Variants in CFH observed in about 807,000 individuals in gnomAD.
The protein encoded by CFH is H factor 1 (complement).
In CFH, 53 loss-of-function variants were observed where a neutral mutation model predicts 147.3. That is an observed-to-expected ratio of 0.36 (90% CI 0.29 to 0.45). The LOEUF is 0.45. CFH is among the 20% of genes least tolerant of loss of function. CFH has a pLI of 1.00. For missense variants in CFH, 1,380 were observed against 1,498.0 expected (o/e 0.92, Z 1.30); for synonymous variants, 536 against 489.4 (o/e 1.10, Z -1.26).
chr1:196,671,603 C>T (rs914013204), intron 1 of CFH, among the ~76,000 whole-genome samples: 5 of 150,010 alleles, frequency 3.3e-5, no homozygotes, highest in Non-Finnish European at 7.4e-5. Flanking sequence ...CACACACACA[C>T]ACACACACAC....
chr1:196,727,910 G>A (rs965888669), intron 14 of CFH, among the ~76,000 whole-genome samples: 3 of 152,160 alleles, frequency 2.0e-5, no homozygotes, highest in East Asian at 1.9e-4. Context: ...CACTTACAGT[G>A]TGACTTGAGA....
At chr1:196,695,230 G>T (rs1385821556) in intron 9 of CFH, among the ~76,000 whole-genome samples, 1 of 152,092 alleles carries the variant, frequency 6.6e-6, no homozygotes, top group Admixed American at 6.6e-5. Context: ...CATATGGCTA[G>T]CCAATTTTCC....
In CFH at chr1:196,691,398, C is replaced by T. The variant is rs1478625861; in HGVS notation, c.1336+1159C>T. ...TATTTATTCCAACATACATTTATAT[C>T]AACAGTTACTTCTTTTTTTACATGT... On this transcript the variant is annotated intron_variant, in intron 9 of 21. Transcript: ENST00000367429. Among the ~76,000 whole-genome samples, 5 of 152,002 alleles carry T rather than the reference C, an allele frequency of 3.3e-5. No individual in the cohort carries two copies. In the East Asian group the frequency reaches 9.7e-4, roughly 29 times the overall value.
chr1:196,710,987 T>C (rs1359448707), intron 9 of CFH, among the ~76,000 whole-genome samples: 1 of 152,092 alleles, frequency 6.6e-6, no homozygotes, highest in African/African-American at 2.4e-5. Context: ...CATGGCATTA[T>C]TCAGAATATT....
At chr1:196,730,275 C>T (rs566743746) in intron 15 of CFH, among the ~76,000 whole-genome samples, 84 of 151,888 alleles carry the variant, frequency 5.5e-4, no homozygotes, top group African/African-American at 1.9e-3. Context: ...AGTTTTGCTA[C>T]GTTTTGTTTC....
rs568901317 is a variant in CFH, at chr1:196,746,344, G to T, written c.3493+345G>T. On this transcript the variant is annotated intron_variant, in intron 21 of 21. Coordinates refer to ENST00000367429, the MANE Select transcript of CFH (RefSeq NM_000186.4). ...CGGGCACCTGTAGTCCCAGCTAGTCGGGAGTCTGAGGCAGGAAAATGGCGG... is the reference window on the plus strand; with the variant it reads ...CGGGCACCTGTAGTCCCAGCTAGTCTGGAGTCTGAGGCAGGAAAATGGCGG... 2.4e-4 allele frequency among the ~76,000 whole-genome samples: 37 copies of T among 152,252 alleles called. 1 individual carries two copies. The South Asian group carries it at 7.3e-3, about 30-fold the overall frequency.
chr1:196,670,459 G>A (rs1045602263), intron 1 of CFH, among the ~76,000 whole-genome samples: 1 of 152,084 alleles, frequency 6.6e-6, no homozygotes, highest in South Asian at 2.1e-4. Context: ...TTGGATCATG[G>A]GGCAGTTTCT....
At chr1:196,729,303 C>A (rs1045468865) in intron 15 of CFH, among the ~76,000 whole-genome samples, 1 of 151,944 alleles carries the variant, frequency 6.6e-6, no homozygotes, top group Non-Finnish European at 1.5e-5. Context: ...ACAGTTTTTT[C>A]TTGAAGTTTT....
At chr1:196,715,538 C>G in intron 10 of CFH, 55 bp from the exon 11 acceptor site, 1 of 1,358,694 alleles carries the variant, frequency 7.4e-7, no homozygotes, top group Non-Finnish European at 1.1e-6. Flanking sequence ...GGGAAATACT[C>G]AGATTGTTTA....
intron 7 of CFH, 32 bp downstream of exon 7, chr1:196,685,269 T>A: frequency 6.2e-7 from 1 of 1,608,896 alleles, no homozygotes; most frequent in Non-Finnish European, 8.5e-7. Context: ...ACCCATTTCT[T>A]AATTCTGAAA....
intron 9 of CFH, chr1:196,692,450 A>T: frequency 1.7e-6 from 1 of 598,048 alleles, no homozygotes; most frequent in Non-Finnish European, 2.1e-6. Flanking sequence ...ATCAACGTTT[A>T]TGCCTCTTGG....
At chr1:196,667,169 G>A (rs1004043550) in intron 1 of CFH, among the ~76,000 whole-genome samples, 1 of 152,124 alleles carries the variant, frequency 6.6e-6, no homozygotes, top group African/African-American at 2.4e-5. Flanking sequence ...TATGCAAAGA[G>A]GCATGCTGGT....
chr1:196,720,392 A>G (rs1357263577), intron 11 of CFH, among the ~76,000 whole-genome samples: 1 of 151,922 alleles, frequency 6.6e-6, no homozygotes. Context: ...CAAATACTGA[A>G]CATTGCACCC....
chr1:196,659,496 C>A (rs963348801), intron 1 of CFH, among the ~76,000 whole-genome samples: 3 of 152,172 alleles, frequency 2.0e-5, no homozygotes, highest in African/African-American at 7.2e-5. Context: ...TCAGAGGCAC[C>A]TCTCCTTGCT....
chr1:196,714,141 C>G (rs1668790550), intron 10 of CFH, among the ~76,000 whole-genome samples: 1 of 151,974 alleles, frequency 6.6e-6, no homozygotes, highest in Non-Finnish European at 1.5e-5. Context: ...TTCTGTGTTA[C>G]AGAAACAAGT....
intron 1 of CFH, among the ~76,000 whole-genome samples, chr1:196,667,379 T>C (rs1043597651): frequency 6.6e-6 from 1 of 152,202 alleles, no homozygotes; most frequent in Non-Finnish European, 1.5e-5. Context: ...CAAACATTGT[T>C]CAGACACATT....
intron 11 of CFH, among the ~76,000 whole-genome samples, chr1:196,720,274 T>A (rs796840222): frequency 5.3e-5 from 8 of 152,070 alleles, no homozygotes; most frequent in Non-Finnish European, 1.2e-4. Flanking sequence ...CTTTTATTTT[T>A]AAAATTTTAA....
chr1:196,673,906 T>G lies in CFH; in HGVS notation c.294T>G (p.Leu98=). 1 of 1,613,690 alleles carries G rather than the reference T, an allele frequency of 6.2e-7. No homozygotes were observed. Among genetic ancestry groups the G allele is most frequent in the Non-Finnish European group, 8.5e-7 (1 of 1,179,734 alleles). ...PGDTPFGTFT[L]TGGNVFEYGV... ...ATACTCCTTTTGGTACTTTTACCCT[T>G]ACAGGAGGAAATGTGTTTGAATATG... The change falls in exon 3 of 22, where the codon CTT becomes CTG. Residue 98 remains leucine, a synonymous_variant. Transcript: ENST00000367429.
Position 196,729,416 on chromosome 1 carries a change from G to A in CFH, c.2413+894G>A, listed in dbSNP as rs1025469232. 2.0e-5 allele frequency among the ~76,000 whole-genome samples: 3 copies of A among 151,984 alleles called. No homozygotes were observed. The South Asian group carries it at 6.2e-4, about 32-fold the overall frequency. On this transcript the variant is annotated intron_variant, in intron 15 of 21. Transcript: ENST00000367429. ...CTTTACTAATTTGCCTATGTTAAAC[G>A]ACCTTTACATTTCTTGGATTAAACC...
Sources: allele counts gnomAD v4.1 joint callset (sites outside exome capture counted in the v4.1 genomes callset), GRCh38; gene constraint gnomAD v4.1.1; transcripts MANE v1.5; gene names NCBI Gene and HGNC (gene_info 2026-07-23, HGNC 2026-07-21).